The following KIF9 variants were observed in gnomAD, a reference collection of about 807,000 sequenced individuals.
KIF9 encodes kinesin-like protein KIF9.
A neutral mutation model predicts 94.8 loss-of-function variants in KIF9; 68 were observed. The observed-to-expected ratio is 0.72, with a 90% confidence interval of 0.59 to 0.88. KIF9 has a LOEUF of 0.88. Among genes scored for constraint, KIF9 ranks in the 40% least tolerant of loss-of-function variants. The pLI, the probability that KIF9 is intolerant of heterozygous loss-of-function variation, is 0.00. For synonymous variants in KIF9, 343 were observed against 362.1 expected (o/e 0.95, Z 0.60); for missense variants, 882 against 982.5 (o/e 0.90, Z 1.37).
At position 47,251,884 on chromosome 3, in the gene KIF9, G is replaced by T. The variant is rs538713230; in HGVS notation, c.1060-3798C>A. On this transcript the variant is annotated intron_variant, in intron 10 of 20. Transcript: ENST00000684063. The stretch of plus-strand genomic sequence containing the variant: ...CACAGAATCACCGACTGGCAGAGTG[G>T]GAGGGTCACTGCAGGTTATCAGGCC... Among the ~76,000 whole-genome samples, 9 of 152,234 alleles carry T rather than the reference G, an allele frequency of 5.9e-5. 1 individual carries two copies. The South Asian group carries it at 1.9e-3, about 32-fold the overall frequency.
Position 47,257,583 on chromosome 3 carries a change from A to G in KIF9, c.982-23T>C, listed in dbSNP as rs376793584. 6.2e-6 allele frequency: 10 copies of G among 1,606,828 alleles called. No individual in the cohort carries two copies. The East Asian group carries it at 1.1e-4, about 18-fold the overall frequency. The stretch of plus-strand genomic sequence containing the variant: ...TAGCTGCAAAACAGAGCAGGTAGAC[A>G]TTAGATGGCTCGCCACTAAAGTGAG... On this transcript the variant is annotated intron_variant, in intron 9 of 20. Transcript: ENST00000684063.
intron 1 of KIF9, among the ~76,000 whole-genome samples, chr3:47,278,214 G>A (rs1702100198): frequency 6.6e-6 from 1 of 151,892 alleles, no homozygotes; most frequent in Admixed American, 6.6e-5. Flanking sequence ...TGGGACTACA[G>A]GTGCGTACCA....
At chr3:47,263,392 C>T (rs1403680429) in intron 9 of KIF9, among the ~76,000 whole-genome samples, 1 of 152,178 alleles carries the variant, frequency 6.6e-6, no homozygotes, top group Non-Finnish European at 1.5e-5. Context: ...ACTAATCCCA[C>T]CTCTGGCCAC....
At chr3:47,234,359 G>A (rs920696835) in intron 20 of KIF9, among the ~76,000 whole-genome samples, 4 of 151,338 alleles carry the variant, frequency 2.6e-5, no homozygotes, top group Non-Finnish European at 5.9e-5. Flanking sequence ...TCAGCCTCCC[G>A]AGTGGCTGGG....
In KIF9 at chr3:47,265,603, T is replaced by G. The variant is rs74551612; in HGVS notation, c.916+127A>C. On this transcript the variant is annotated intron_variant, in intron 8 of 20. Transcript: ENST00000684063. ...TCCAGGTGTCTGAAGTCACTGTGAA[T>G]GTGCTGCAGGTGAATCCATGCCACC... The G allele has an allele frequency of 1.2e-3, 1,138 of 930,658 alleles. 13 individuals are homozygous for G. In the African/African-American group the frequency reaches 0.017, roughly 14 times the overall value. 57.7% of individuals were successfully genotyped at this position (930,658 alleles called of 1,614,324 possible).
chr3:47,257,086 G>C (rs1700664828), intron 10 of KIF9, among the ~76,000 whole-genome samples: 1 of 151,500 alleles, frequency 6.6e-6, no homozygotes, highest in African/African-American at 2.4e-5. Flanking sequence ...CTCCACTATG[G>C]TCCTATGACC....
intron 9 of KIF9, chr3:47,264,023 G>A: frequency 1.8e-6 from 1 of 548,952 alleles, no homozygotes; most frequent in Non-Finnish European, 3.5e-6. Flanking sequence ...CACAAAGCTG[G>A]CTCTCAGCCT....
chr3:47,250,367 T>C (rs1252177435), intron 10 of KIF9, among the ~76,000 whole-genome samples: 1 of 152,220 alleles, frequency 6.6e-6, no homozygotes, highest in Non-Finnish European at 1.5e-5. Flanking sequence ...TTGTGATTAT[T>C]ATTATGTATC....
At chr3:47,246,301 G>A in intron 12 of KIF9, 49 bp from the exon 13 acceptor site, 1 of 1,501,184 alleles carries the variant, frequency 6.7e-7, no homozygotes, top group Non-Finnish European at 9.2e-7. Context: ...CACCTCGAGG[G>A]ACCAGGGGGC....
chr3:47,280,727 C>A (rs1252409500), intron 1 of KIF9, among the ~76,000 whole-genome samples: 2 of 152,192 alleles, frequency 1.3e-5, no homozygotes, highest in South Asian at 4.1e-4. Context: ...CCCTCCAGAG[C>A]CTGGCCCTTC....
In KIF9 at chr3:47,256,842, C is replaced by T. The variant is rs574281664; in HGVS notation, c.1059+641G>A. On this transcript the variant is annotated intron_variant, in intron 10 of 20. Coordinates refer to ENST00000684063, the MANE Select transcript of KIF9 (RefSeq NM_182902.4). ...GGGATCCTGTTGATCTGTGACCTTG[C>T]CCCCAACCCTGTGCTCTCTGAAACA... is the stretch of plus-strand genomic sequence containing the variant. Among the ~76,000 whole-genome samples the T allele has an allele frequency of 8.5e-5, 13 of 152,312 alleles. No homozygotes were observed. In the South Asian group the frequency reaches 2.5e-3, roughly 29 times the overall value.
At chr3:47,234,614 G>A (rs181689934) in intron 20 of KIF9, among the ~76,000 whole-genome samples, 6 of 148,902 alleles carry the variant, frequency 4.0e-5, no homozygotes, top group African/African-American at 1.5e-4. Context: ...GAGTAAAGTG[G>A]TGTGATCTTG....
chr3:47,259,247 GGA>G (rs1700811829), intron 9 of KIF9, among the ~76,000 whole-genome samples: 1 of 152,140 alleles, frequency 6.6e-6, no homozygotes, highest in Non-Finnish European at 1.5e-5. Flanking sequence ...CCATCCACAG[GGA>G]GTCTCCACAG....
In KIF9 at chr3:47,268,113, T is replaced by G. The variant is rs1208881712; in HGVS notation, c.592-850A>C. ...CTGGAACTTATGAGTTCAAGAGATC[T>G]GCCCGCCTCGGCCTGCTACAGTGCT... is the stretch of plus-strand genomic sequence containing the variant. On this transcript the variant is annotated intron_variant, in intron 5 of 20. Coordinates refer to ENST00000684063, the MANE Select transcript of KIF9 (RefSeq NM_182902.4). Among the ~76,000 whole-genome samples, 4 of 152,212 alleles carry G rather than the reference T, an allele frequency of 2.6e-5. No homozygotes were observed. In the East Asian group the frequency reaches 7.7e-4, roughly 29 times the overall value.
intron 7 of KIF9, among the ~76,000 whole-genome samples, chr3:47,266,508 G>A (rs551701385): frequency 3.3e-5 from 5 of 152,230 alleles, no homozygotes; most frequent in African/African-American, 1.2e-4. Flanking sequence ...AGCTGGTCAT[G>A]GTGGTGCATA....
chr3:47,280,542 C>A (rs1702262660), intron 1 of KIF9, among the ~76,000 whole-genome samples: 1 of 152,174 alleles, frequency 6.6e-6, no homozygotes, highest in South Asian at 2.1e-4. Flanking sequence ...CTTGTCTCTA[C>A]AAAAAATTTT....
chr3:47,282,798 G>A lies in KIF9; in HGVS notation c.-309C>T. ...ACGAAGGCCGCACATGAACCAGGAA[G>A]CGGAGTGGCGGGGCTTCCGGCGCCG... On this transcript the variant is annotated 5_prime_UTR_variant, in exon 1 of 21. Transcript: ENST00000684063. 4 of 1,433,310 alleles carry A rather than the reference G, an allele frequency of 2.8e-6. No individual in the cohort carries two copies. The highest frequency in any genetic ancestry group is 2.5e-5 in the East Asian group (1 of 39,644). 88.8% of individuals were successfully genotyped at this position (1,433,310 alleles called of 1,614,324 possible). A position where few individuals can be genotyped will look rare whatever the true frequency, so the allele number is the denominator to read the frequency against.
At chr3:47,271,640 T>G (rs534268345) in intron 4 of KIF9, among the ~76,000 whole-genome samples, 179 bp from the exon 5 acceptor site, 23 of 152,334 alleles carry the variant, frequency 1.5e-4, no homozygotes, top group Admixed American at 2.6e-4. Context: ...TCAGATTGGC[T>G]AACACTTAAA....
intron 20 of KIF9, 46 bp downstream of exon 20, chr3:47,235,467 G>A: frequency 7.6e-7 from 1 of 1,312,804 alleles, no homozygotes; most frequent in Non-Finnish European, 1.1e-6. Context: ...GGGTTTCCTA[G>A]TCACTGAGGC....
Sources: gnomAD v4.1 joint callset for allele counts (sites outside exome capture counted in the v4.1 genomes callset) on GRCh38, gnomAD v4.1.1 for gene constraint, MANE v1.5 for transcripts, NCBI Gene and HGNC (gene_info 2026-07-23, HGNC 2026-07-21) for gene names.